The following ETF1 variants were observed in gnomAD, a reference collection of about 807,000 sequenced individuals.
ETF1 encodes the protein eukaryotic translation termination factor 1, also known as eukaryotic peptide chain release factor subunit 1.
ETF1 carries 4 observed loss-of-function variants against 55.1 expected under a neutral mutation model. The observed-to-expected ratio is 0.07, with a 90% CI of 0.04 to 0.17. The LOEUF (loss-of-function observed/expected upper bound fraction) is 0.17. Ranked by LOEUF, ETF1 falls within the 10% of genes least tolerant of loss-of-function variation. The pLI is 1.00. For synonymous variants in ETF1, 157 were observed against 182.3 expected (o/e 0.86, Z 1.12); for missense variants, 142 against 523.6 (o/e 0.27, Z 7.11).
chr5:138,512,225 AATAT>A (rs71867448), intron 6 of ETF1, among the ~76,000 whole-genome samples: 13 of 44,122 alleles, frequency 2.9e-4, no homozygotes, highest in African/African-American at 1.7e-3. Context: ...AAAAAAAAAA[AATAT>A]ATATATATAT....
intron 2 of ETF1, among the ~76,000 whole-genome samples, chr5:138,526,808 C>A (rs1212861150): frequency 1.3e-5 from 2 of 151,742 alleles, no homozygotes; most frequent in African/African-American, 2.4e-5. Flanking sequence ...TCAAGCAATT[C>A]TTCTGCCTCA....
chr5:138,542,691 T>A, intron 2 of ETF1, 142 bp downstream of exon 2: 1 of 1,482,270 alleles, frequency 6.7e-7, no homozygotes, highest in Admixed American at 2.3e-5. Context: ...CGCCCCTGGG[T>A]CAGGGGCTAC....
intron 3 of ETF1, 145 bp downstream of exon 3, chr5:138,518,547 A>G (rs1765113436): frequency 1.5e-6 from 1 of 684,638 alleles, no homozygotes; most frequent in Non-Finnish European, 2.4e-6. Flanking sequence ...ACAAAACAAA[A>G]CAAAAAAGCT....
intron 3 of ETF1, among the ~76,000 whole-genome samples, chr5:138,518,151 C>T (rs1028854735): frequency 7.3e-5 from 10 of 137,596 alleles, no homozygotes; most frequent in South Asian, 4.7e-4. Context: ...GAGCTGAGAT[C>T]GGATTACTGC....
chr5:138,535,861 C>T (rs1160186326), intron 2 of ETF1, among the ~76,000 whole-genome samples: 3 of 107,344 alleles, frequency 2.8e-5, no homozygotes, highest in Non-Finnish European at 5.1e-5. Context: ...GGCGGGAAAG[C>T]GAGACTCCGC....
At chr5:138,522,716 C>CACT (rs1396548312) in intron 2 of ETF1, among the ~76,000 whole-genome samples, 1 of 152,074 alleles carries the variant, frequency 6.6e-6, no homozygotes, top group Non-Finnish European at 1.5e-5. Flanking sequence ...CATTAACTTA[C>CACT]ACTACATTGG....
At chr5:138,542,767 G>A (rs1474142667) in intron 2 of ETF1, 66 bp downstream of exon 2, 9 of 1,589,010 alleles carry the variant, frequency 5.7e-6, no homozygotes, top group Non-Finnish European at 7.7e-6. Context: ...CATGCGGCGC[G>A]GGGGCGTCCA....
chr5:138,526,833 T>C (rs1466034468), intron 2 of ETF1, among the ~76,000 whole-genome samples: 2 of 152,130 alleles, frequency 1.3e-5, no homozygotes, highest in Non-Finnish European at 2.9e-5. Flanking sequence ...CCTGAGGAGC[T>C]GAGACTACAG....
chr5:138,529,951 C>T (rs1252511140), intron 2 of ETF1, among the ~76,000 whole-genome samples: 2 of 152,102 alleles, frequency 1.3e-5, no homozygotes, highest in African/African-American at 2.4e-5. Flanking sequence ...CAAGGCTGCC[C>T]AGGCTGGTCA....
At chr5:138,533,214 G>A (rs968268689) in intron 2 of ETF1, among the ~76,000 whole-genome samples, 17 of 151,848 alleles carry the variant, frequency 1.1e-4, no homozygotes, top group African/African-American at 3.6e-4. Flanking sequence ...GATTACAGGC[G>A]TGAGCCACCG....
Position 138,523,377 on chromosome 5 carries a change from C to CA in ETF1, c.87-4511dup, listed in dbSNP as rs575981688. Reference sequence around the variant, plus strand: ...GCTAGACTCCGTCTCAAGGAAAAAACAAAAAAATTAGCCGAGCGTGGTGGC... The same window carrying CA: ...GCTAGACTCCGTCTCAAGGAAAAAACAAAAAAAATTAGCCGAGCGTGGTGGC... On this transcript the variant is annotated intron_variant, in intron 2 of 10. Transcript: ENST00000360541. Among the ~76,000 whole-genome samples, 17 of 149,734 alleles carry CA rather than the reference C, an allele frequency of 1.1e-4. No individual in the cohort carries two copies. In the South Asian group the frequency reaches 3.0e-3, roughly 26 times the overall value.
intron 2 of ETF1, among the ~76,000 whole-genome samples, chr5:138,524,012 A>G (rs1054813544): frequency 1.3e-5 from 2 of 152,048 alleles, no homozygotes; most frequent in Admixed American, 6.6e-5. Context: ...CCTCACCTCT[A>G]CTAAAAATAC....
At chr5:138,512,260 T>TATTTTATATATATATATA (rs1554137515) in intron 6 of ETF1, among the ~76,000 whole-genome samples, 1 of 15,418 alleles carries the variant, frequency 6.5e-5, no homozygotes, top group African/African-American at 2.9e-4. Flanking sequence ...ATATATATAT[T>TATTTTATATATATATATA]TTTTTTTTTT....
chr5:138,511,779 A>G, intron 6 of ETF1, 175 bp from the exon 7 acceptor site: 2 of 979,508 alleles, frequency 2.0e-6, no homozygotes, highest in Non-Finnish European at 2.4e-6. Flanking sequence ...CTTAAAGTGA[A>G]CAGCACTGCC....
intron 2 of ETF1, among the ~76,000 whole-genome samples, chr5:138,520,044 A>G (rs561145654): frequency 2.8e-4 from 41 of 144,928 alleles, no homozygotes; most frequent in Non-Finnish European, 4.0e-4. Context: ...AACCAGAAAC[A>G]TAAGAGCAAA....
chr5:138,542,376 C>T (rs965024272), intron 2 of ETF1, among the ~76,000 whole-genome samples: 3 of 152,154 alleles, frequency 2.0e-5, no homozygotes, highest in Admixed American at 2.0e-4. Context: ...TTCACCCACC[C>T]GGGTCTCAGA....
At chr5:138,529,576 C>T (rs1403593387) in intron 2 of ETF1, 2 of 985,158 alleles carry the variant, frequency 2.0e-6, no homozygotes, top group African/African-American at 3.5e-5. Flanking sequence ...CCTCAAAGCT[C>T]CCAGGGGCCT....
chr5:138,507,333 C>G lies in ETF1; in HGVS notation c.*972G>C, dbSNP rs1288011112. The G allele has an allele frequency of 1.3e-5, 2 of 152,600 alleles. No homozygotes were observed. Among genetic ancestry groups the G allele is most frequent in the East Asian group, 1.9e-4 (1 of 5,198 alleles). 9.5% of individuals were successfully genotyped at this position (152,600 alleles called of 1,614,324 possible). On this transcript the variant is annotated 3_prime_UTR_variant, in exon 11 of 11. Transcript: ENST00000360541. ...AACCTTGCAGTTCATTTTAATAAAT[C>G]AAAACATTCACATAATCTCATGCCA... is the stretch of plus-strand genomic sequence containing the variant.
chr5:138,524,725 A>G (rs538592737), intron 2 of ETF1, among the ~76,000 whole-genome samples: 16 of 151,112 alleles, frequency 1.1e-4, no homozygotes, highest in African/African-American at 1.7e-4. Context: ...CTACAGGCAC[A>G]CGCCATCACA....
Sources: gnomAD v4.1 joint callset for allele counts (sites outside exome capture counted in the v4.1 genomes callset) on GRCh38, gnomAD v4.1.1 for gene constraint, MANE v1.5 for transcripts, NCBI Gene and HGNC (gene_info 2026-07-23, HGNC 2026-07-21) for gene names.